Variants in SH3PXD2A observed in about 807,000 individuals in gnomAD.
SH3PXD2A encodes SH3 and PX domains 2A.
SH3PXD2A carries 32 observed loss-of-function variants against 115.2 expected under a neutral mutation model. The ratio of observed to expected loss-of-function variants is 0.28; its 90% CI spans 0.21 to 0.37. SH3PXD2A has a LOEUF of 0.37. SH3PXD2A is among the 10% of genes least tolerant of loss of function. The pLI is 1.00. For synonymous variants in SH3PXD2A, 610 were observed against 629.1 expected, an observed-to-expected ratio of 0.97 and a Z score of 0.45; for missense variants, 1,328 against 1,498.7, an observed-to-expected ratio of 0.89 and a Z score of 1.88.
intron 13 of SH3PXD2A, among the ~76,000 whole-genome samples, chr10:103,606,156 A>C (rs891507108): frequency 4.7e-5 from 7 of 149,270 alleles, no homozygotes; most frequent in Non-Finnish European, 7.4e-5. Context: ...TGAGCTATCA[A>C]AATTCTCACA....
chr10:103,728,976 T>TC (rs2038280946), intron 4 of SH3PXD2A, among the ~76,000 whole-genome samples: 1 of 148,570 alleles, frequency 6.7e-6, no homozygotes, highest in Admixed American at 6.7e-5. Context: ...CACTGCAGCC[T>TC]CCCCCTCGCC....
At chr10:103,757,659 C>T (rs2038657170) in intron 3 of SH3PXD2A, among the ~76,000 whole-genome samples, 1 of 152,102 alleles carries the variant, frequency 6.6e-6, no homozygotes, top group African/African-American at 2.4e-5. Flanking sequence ...CGTGGCTGAC[C>T]CCTGCAAAGC....
chr10:103,644,359 C>A (rs1053844131), intron 8 of SH3PXD2A, among the ~76,000 whole-genome samples: 2 of 152,010 alleles, frequency 1.3e-5, no homozygotes, highest in Non-Finnish European at 2.9e-5. Flanking sequence ...GTGGGCAGAT[C>A]GTTTGAGTCC....
intron 2 of SH3PXD2A, among the ~76,000 whole-genome samples, chr10:103,780,865 C>T (rs1010310675): frequency 9.2e-5 from 14 of 152,328 alleles, no homozygotes; most frequent in Admixed American, 7.2e-4. Context: ...ATTTCATCTT[C>T]GGCTTCACAC....
intron 11 of SH3PXD2A, among the ~76,000 whole-genome samples, 162 bp downstream of exon 11, chr10:103,617,035 G>C (rs964480078): frequency 6.6e-6 from 1 of 152,280 alleles, no homozygotes; most frequent in Non-Finnish European, 1.5e-5. Flanking sequence ...GCATTCTCTG[G>C]TTGAGCTATT....
chr10:103,612,317 T>A (rs1331193050), intron 12 of SH3PXD2A, among the ~76,000 whole-genome samples: 1 of 151,970 alleles, frequency 6.6e-6, no homozygotes, highest in Non-Finnish European at 1.5e-5. Context: ...AGCTCCCAAG[T>A]CTCTTAGGTT....
Position 103,815,105 on chromosome 10 carries a change from T to C in SH3PXD2A, c.73-13743A>G, listed in dbSNP as rs187331892. Among the ~76,000 whole-genome samples, 244 of 152,242 alleles carry C rather than the reference T, an allele frequency of 1.6e-3. 2 individuals carry two copies. Among genetic ancestry groups the C allele is most frequent in the Admixed American group, 3.1e-3 (48 of 15,292 alleles). On this transcript the variant is annotated intron_variant, in intron 1 of 14. Coordinates refer to ENST00000369774, the MANE Select transcript of SH3PXD2A (RefSeq NM_001394015.1). Reference sequence around the variant, plus strand: ...AATGCGAGAGAGAAAACTATTAAAGTCTTAGAAGAAAACATAGCACAAATC... The same window carrying C: ...AATGCGAGAGAGAAAACTATTAAAGCCTTAGAAGAAAACATAGCACAAATC...
At chr10:103,761,747 T>A (rs891085363) in intron 3 of SH3PXD2A, among the ~76,000 whole-genome samples, 2 of 152,096 alleles carry the variant, frequency 1.3e-5, no homozygotes, top group African/African-American at 4.8e-5. Context: ...ACTTCTCAGA[T>A]CCCTAACCTG....
intron 4 of SH3PXD2A, among the ~76,000 whole-genome samples, chr10:103,732,943 G>C (rs925418727): frequency 2.6e-5 from 4 of 152,206 alleles, no homozygotes; most frequent in African/African-American, 9.7e-5. Flanking sequence ...TAGCTAGGTG[G>C]CAGTGGCCAT....
intron 3 of SH3PXD2A, chr10:103,747,011 T>C (rs1157454714): frequency 1.3e-5 from 2 of 152,276 alleles, no homozygotes; most frequent in African/African-American, 2.4e-5. Flanking sequence ...TGCAAGCTTC[T>C]TGCAGCCAGT....
intron 2 of SH3PXD2A, among the ~76,000 whole-genome samples, chr10:103,796,050 C>T (rs2039085095): frequency 6.6e-6 from 1 of 152,070 alleles, no homozygotes. Flanking sequence ...TCACCCTAGG[C>T]TGCTGTCACT....
intron 2 of SH3PXD2A, among the ~76,000 whole-genome samples, chr10:103,800,722 A>G (rs991610891): frequency 3.9e-5 from 6 of 152,212 alleles, no homozygotes; most frequent in African/African-American, 9.7e-5. Flanking sequence ...TGGGACCCAT[A>G]CTACCATTCC....
At chr10:103,707,580 T>C (rs1236975579) in intron 5 of SH3PXD2A, among the ~76,000 whole-genome samples, 1 of 152,042 alleles carries the variant, frequency 6.6e-6, no homozygotes, top group East Asian at 1.9e-4. Context: ...ACTCCTGGCC[T>C]CAAGCAATTC....
chr10:103,713,896 C>T (rs529186550), intron 5 of SH3PXD2A, among the ~76,000 whole-genome samples: 1 of 152,214 alleles, frequency 6.6e-6, no homozygotes, highest in Admixed American at 6.5e-5. Flanking sequence ...CTATCCTCCC[C>T]CTTAGACCAC....
At chr10:103,844,288 C>A (rs547550133) in intron 1 of SH3PXD2A, among the ~76,000 whole-genome samples, 54 of 152,302 alleles carry the variant, frequency 3.5e-4, no homozygotes, top group African/African-American at 1.3e-3. Context: ...GCCCAGGAGG[C>A]AGAATTCAGG....
intron 8 of SH3PXD2A, among the ~76,000 whole-genome samples, chr10:103,638,657 G>T (rs1313514709): frequency 2.6e-5 from 4 of 152,234 alleles, no homozygotes; most frequent in Admixed American, 2.6e-4. Flanking sequence ...CCGACCCAAA[G>T]TACCCACATC....
intron 6 of SH3PXD2A, among the ~76,000 whole-genome samples, chr10:103,678,913 T>G (rs923253327): frequency 2.6e-5 from 4 of 152,172 alleles, no homozygotes; most frequent in Non-Finnish European, 5.9e-5. Flanking sequence ...AATAATTTTA[T>G]TGAACAAGTA....
At chr10:103,614,880 G>T (rs909955052) in intron 11 of SH3PXD2A, among the ~76,000 whole-genome samples, 3 of 152,178 alleles carry the variant, frequency 2.0e-5, no homozygotes, top group Non-Finnish European at 2.9e-5. Flanking sequence ...GAAAGCTCAG[G>T]TAGGAGGTGG....
At chr10:103,833,039 A>T (rs2039497686) in intron 1 of SH3PXD2A, among the ~76,000 whole-genome samples, 1 of 152,202 alleles carries the variant, frequency 6.6e-6, no homozygotes, top group Non-Finnish European at 1.5e-5. Flanking sequence ...TCTCACCAAC[A>T]CTTAGCATTA....
Sources: allele counts gnomAD v4.1 joint callset (sites outside exome capture counted in the v4.1 genomes callset), GRCh38; gene constraint gnomAD v4.1.1; transcripts MANE v1.5; gene names NCBI Gene and HGNC (gene_info 2026-07-23, HGNC 2026-07-21).